Variants in PON3 observed in about 807,000 individuals in gnomAD.
PON3 encodes the protein paraoxonase 3.
A neutral mutation model predicts 36.3 loss-of-function variants in PON3; 37 were observed. The observed-to-expected ratio is 1.02, with a 90% CI of 0.78 to 1.34. PON3 has a LOEUF of 1.34. Ranked by LOEUF, PON3 falls within the 40% of genes most tolerant of loss-of-function variation. The probability of loss-of-function intolerance (pLI) is 0.00; values close to 1 mark genes in which losing one functional copy is unlikely to be tolerated. For missense variants in PON3, 415 were observed against 426.5 expected, an observed-to-expected ratio of 0.97 and a Z score of 0.24; for synonymous variants, 155 against 154.8, an observed-to-expected ratio of 1.00 and a Z score of -0.01.
In PON3 at chr7:95,394,676, T is replaced by C; in HGVS notation, c.113A>G (p.Glu38Gly). The C allele has an allele frequency of 6.2e-7, 1 of 1,614,186 alleles. No homozygotes were observed. The change falls in exon 2 of 9, where the codon GAA becomes GGA. Residue 38 changes from glutamate (E) to glycine (G), a missense_variant. By Grantham distance (98) the Glu-to-Gly change is moderately conservative (BLOSUM62 -2). Transcript: ENST00000265627. The stretch of plus-strand genomic sequence containing the variant: ...CTCAATAAGGTGGCAGTTTTCAGGT[T>C]CTACTGGCTCCACTTCTCGAGAGGC... ...VNASREVEPV[E>G]PENCHLIEEL...
At chr7:95,365,984 CT>C (rs1329809525) in intron 5 of PON3, 1 of 139,092 alleles carries the variant, frequency 7.2e-6, no homozygotes, top group African/African-American at 2.8e-5. Context: ...AAAGTGTCGC[CT>C]TCTGAGGAAG....
intron 3 of PON3, among the ~76,000 whole-genome samples, chr7:95,376,349 A>T (rs1808912428): frequency 6.6e-6 from 1 of 152,222 alleles, no homozygotes; most frequent in South Asian, 2.1e-4. Context: ...AATAGACTAG[A>T]AATATCTATT....
At position 95,362,451 on chromosome 7, in the gene PON3, C is replaced by T. The variant is rs748765744; in HGVS notation, c.817G>A (p.Asp273Asn). 14 of 1,613,614 alleles carry T rather than the reference C, an allele frequency of 8.7e-6. No individual in the cohort carries two copies. In the South Asian group the frequency reaches 8.8e-5, roughly 10 times the overall value. Reference sequence around the variant, plus strand: ...GCCAAAATGTCTCCTGTGGCAGGATCGACAGTCAGGTTATCCACTAAGGTG... The same window carrying T: ...GCCAAAATGTCTCCTGTGGCAGGATTGACAGTCAGGTTATCCACTAAGGTG... ...LGTLVDNLTV[D>N]PATGDILAGC... Residue 273 changes from aspartate (D) to asparagine (N), a missense_variant, in exon 8 of 9, where the codon GAT (aspartate) becomes AAT (asparagine). Asp to Asn is a conservative substitution (Grantham distance 23, BLOSUM62 1). Coordinates refer to ENST00000265627, the MANE Select transcript of PON3 (RefSeq NM_000940.3).
At chr7:95,369,511 A>T (rs1473704566) in intron 4 of PON3, among the ~76,000 whole-genome samples, 2 of 152,186 alleles carry the variant, frequency 1.3e-5, no homozygotes, top group Non-Finnish European at 2.9e-5. Flanking sequence ...GTGGTGGCTT[A>T]CACCTGTAAT....
chr7:95,387,114 T>C (rs888611965), intron 3 of PON3, among the ~76,000 whole-genome samples: 9 of 152,302 alleles, frequency 5.9e-5, no homozygotes, highest in Non-Finnish European at 8.8e-5. Flanking sequence ...CTATTCAACA[T>C]AGTATTGGAA....
At chr7:95,390,532 G>A (rs1479062891) in intron 2 of PON3, among the ~76,000 whole-genome samples, 1 of 152,286 alleles carries the variant, frequency 6.6e-6, no homozygotes. Context: ...GAGAGATTCA[G>A]CTTTATCCCC....
chr7:95,362,097 C>A (rs535712215), intron 8 of PON3, among the ~76,000 whole-genome samples: 1 of 152,238 alleles, frequency 6.6e-6, no homozygotes, highest in African/African-American at 2.4e-5. Context: ...ATTGGAAATA[C>A]GATATGGCAA....
chr7:95,390,023 T>A, intron 3 of PON3, 131 bp downstream of exon 3: 1 of 1,017,126 alleles, frequency 9.8e-7, no homozygotes, highest in East Asian at 2.4e-5. Flanking sequence ...TTTTGGCTTT[T>A]TTAGTTGACT....
chr7:95,376,925 A>G (rs1808928991), intron 3 of PON3, among the ~76,000 whole-genome samples: 1 of 152,214 alleles, frequency 6.6e-6, no homozygotes, highest in Non-Finnish European at 1.5e-5. Context: ...ATGGAGGGCA[A>G]GCCAAAGTGG....
intron 1 of PON3, 133 bp downstream of exon 1, chr7:95,396,143 TG>T: frequency 2.1e-6 from 2 of 962,832 alleles, no homozygotes; most frequent in Non-Finnish European, 3.4e-6. Context: ...GGCGGTTTGC[TG>T]GGTGAGATGG....
intron 1 of PON3, 64 bp from the exon 2 acceptor site, chr7:95,394,778 T>C: frequency 7.8e-7 from 1 of 1,285,462 alleles, no homozygotes; most frequent in Non-Finnish European, 1.1e-6. Context: ...TGTTTAAATG[T>C]GGACTTCAAT....
rs544787979 is a variant in PON3, at chr7:95,378,683, C to T, written c.202-6345G>A. ...TTCATAAGTGAAGGAGAAATAAAAT[C>T]CTTTACAGACAACAAATGCTGAGAG... On this transcript the variant is annotated intron_variant, in intron 3 of 8. Coordinates refer to ENST00000265627, the MANE Select transcript of PON3 (RefSeq NM_000940.3). Among the ~76,000 whole-genome samples the T allele has an allele frequency of 6.2e-3, 949 of 152,238 alleles. 9 individuals carry two copies. Among genetic ancestry groups the T allele is most frequent in the African/African-American group, 0.022 (897 of 41,528 alleles).
chr7:95,360,192 C>T (rs1808536050), intron 8 of PON3, 61 bp from the exon 9 acceptor site: 5 of 1,417,034 alleles, frequency 3.5e-6, no homozygotes, highest in East Asian at 4.6e-5. Flanking sequence ...TCATGATGTC[C>T]TTCCCAAACA....
chr7:95,380,782 G>C (rs1052482074), intron 3 of PON3, among the ~76,000 whole-genome samples: 15 of 152,160 alleles, frequency 9.9e-5, no homozygotes, highest in Non-Finnish European at 1.8e-4. Context: ...CACTCTGCAG[G>C]ATATTATCCA....
intron 2 of PON3, among the ~76,000 whole-genome samples, chr7:95,391,288 A>C (rs1158898906): frequency 6.6e-6 from 1 of 152,232 alleles, no homozygotes; most frequent in East Asian, 1.9e-4. Context: ...TAGAATGGAA[A>C]GGAGTGGAAG....
At chr7:95,382,998 T>C (rs112659284) in intron 3 of PON3, among the ~76,000 whole-genome samples, 9 of 152,272 alleles carry the variant, frequency 5.9e-5, no homozygotes, top group African/African-American at 1.4e-4. Context: ...AAAAAGCTTA[T>C]GCACCAAGAT....
At chr7:95,365,902 T>C (rs962110482) in intron 5 of PON3, 6 of 152,330 alleles carry the variant, frequency 3.9e-5, no homozygotes, top group African/African-American at 1.4e-4. Context: ...ACACCAGTTC[T>C]ACTGCATTAA....
At chr7:95,394,123 C>T (rs866597345) in intron 2 of PON3, among the ~76,000 whole-genome samples, 1 of 152,110 alleles carries the variant, frequency 6.6e-6, no homozygotes, top group Admixed American at 6.5e-5. Flanking sequence ...TGGTCTCGAT[C>T]TCCTGACCTC....
chr7:95,381,544 G>T (rs899511228), intron 3 of PON3, among the ~76,000 whole-genome samples: 1 of 152,152 alleles, frequency 6.6e-6, no homozygotes, highest in Middle Eastern at 3.4e-3. Flanking sequence ...AAAGGCAGGG[G>T]TTGCAATCCT....
Sources: allele counts gnomAD v4.1 joint callset (sites outside exome capture counted in the v4.1 genomes callset), GRCh38; gene constraint gnomAD v4.1.1; transcripts MANE v1.5; gene names NCBI Gene and HGNC (gene_info 2026-07-23, HGNC 2026-07-21).